Variants in PKLR observed in about 807,000 individuals in gnomAD.
PKLR encodes pyruvate kinase L/R.
In PKLR, 38 loss-of-function variants were observed where a neutral mutation model predicts 53.6. The observed-to-expected ratio is 0.71, with a 90% CI of 0.55 to 0.93. The LOEUF (loss-of-function observed/expected upper bound fraction) is 0.93, where lower values mean the gene tolerates loss of function less well. Ranked by LOEUF, PKLR falls within the 40% of genes least tolerant of loss-of-function variation. PKLR has a pLI of 0.00. For missense variants in PKLR, 702 were observed against 787.3 expected (o/e 0.89, Z 1.30); for synonymous variants, 328 against 316.2 (o/e 1.04, Z -0.39).
At chr1:155,307,039 C>T in the PKLR span, among the ~76,000 whole-genome samples, 2 of 152,172 alleles carry the variant, frequency 1.3e-5, no homozygotes, top group Non-Finnish European at 2.9e-5. Context: ...CTCAGCTTCT[C>T]GAGTAGCTGG....
chr1:155,303,602 A>G (rs1648144713), upstream of PKLR, among the ~76,000 whole-genome samples: 1 of 152,128 alleles, frequency 6.6e-6, no homozygotes, highest in Admixed American at 6.6e-5. Context: ...CCAGTGGGAG[A>G]AGAGAGAGGG....
intron 1 of PKLR, chr1:155,300,763 G>A: frequency 8.5e-7 from 1 of 1,175,242 alleles, no homozygotes; most frequent in Non-Finnish European, 1.2e-6. Flanking sequence ...CTGGCTACTG[G>A]CTGGCTTCCC....
Position 155,293,154 on chromosome 1 carries a change from G to A in PKLR, c.1436+23C>T, listed in dbSNP as rs1647317028. 3 of 1,613,240 alleles carry A rather than the reference G, an allele frequency of 1.9e-6. No individual in the cohort carries two copies. Among genetic ancestry groups the A allele is most frequent in the Non-Finnish European group, 8.5e-7 (1 of 1,179,246 alleles). On this transcript the variant is annotated intron_variant, in intron 9 of 10. Coordinates refer to ENST00000342741, the MANE Select transcript of PKLR (RefSeq NM_000298.6). This position sits in a 1 kb window ranked among gnomAD's most constrained non-coding sequence, Gnocchi z 4.2. ...CACCCCTGACCCAAAGCTCCATCTGGACATTCCCAATATCCCCCTCACCGG... is the reference window on the plus strand; with the variant it reads ...CACCCCTGACCCAAAGCTCCATCTGAACATTCCCAATATCCCCCTCACCGG...
chr1:155,307,709 G>T, the PKLR span, among the ~76,000 whole-genome samples: 2 of 152,218 alleles, frequency 1.3e-5, no homozygotes, highest in East Asian at 3.8e-4. Flanking sequence ...GGGCCAAGTG[G>T]CTCGTACTTG....
At chr1:155,299,998 T>C in intron 2 of PKLR, 100 bp downstream of exon 2, 1 of 1,250,578 alleles carries the variant, frequency 8.0e-7, no homozygotes, top group South Asian at 1.2e-5. Context: ...TGAATGACTG[T>C]GTCAAACATG....
intron 2 of PKLR, among the ~76,000 whole-genome samples, chr1:155,297,034 T>C (rs1647639242): frequency 6.6e-6 from 1 of 152,194 alleles, no homozygotes. Context: ...CCTCTCTTGG[T>C]TGACTCCTAC....
intron 1 of PKLR, 97 bp downstream of exon 1, chr1:155,301,199 A>G: frequency 6.9e-7 from 1 of 1,456,354 alleles, no homozygotes; most frequent in Non-Finnish European, 9.6e-7. Flanking sequence ...CCACCTAGCC[A>G]GTGGCTGATG....
chr1:155,298,350 C>T (rs1050636032), intron 2 of PKLR, among the ~76,000 whole-genome samples: 43 of 131,876 alleles, frequency 3.3e-4, no homozygotes, highest in Admixed American at 9.7e-4. Context: ...TTTTTTGAGA[C>T]GGAGTTTCGC....
At chr1:155,307,886 C>T in the PKLR span, among the ~76,000 whole-genome samples, 1 of 151,944 alleles carries the variant, frequency 6.6e-6, no homozygotes, top group Non-Finnish European at 1.5e-5. Flanking sequence ...ACCCGGGAAG[C>T]GAGGTTGCAG....
chr1:155,300,889 C>T (rs746180822), intron 1 of PKLR: 3 of 1,611,244 alleles, frequency 1.9e-6, no homozygotes, highest in African/African-American at 2.7e-5. Flanking sequence ...ACCTTCCATG[C>T]CACTGCACAC....
In PKLR at chr1:155,300,057, C is replaced by T. The variant is rs747769861; in HGVS notation, c.283+41G>A. 39 of 1,574,730 alleles carry T rather than the reference C, an allele frequency of 2.5e-5. No individual in the cohort carries two copies. The South Asian group carries it at 4.3e-4, about 17-fold the overall frequency. ...GATGAAGAAGCACCTCAAGAAATACCAATAGGCCCTGTGTGGCTGCAGGGG... is the reference window on the plus strand; with the variant it reads ...GATGAAGAAGCACCTCAAGAAATACTAATAGGCCCTGTGTGGCTGCAGGGG... On this transcript the variant is annotated intron_variant, in intron 2 of 10. Coordinates refer to ENST00000342741, the MANE Select transcript of PKLR (RefSeq NM_000298.6).
At chr1:155,300,380 G>A in intron 1 of PKLR, 100 bp from the exon 2 acceptor site, 1 of 880,798 alleles carries the variant, frequency 1.1e-6, no homozygotes, top group Non-Finnish European at 1.8e-6. Context: ...CTTATGAGCT[G>A]GGCATCATGC....
Position 155,300,263 on chromosome 1 carries a change from G to T in PKLR, c.118C>A (p.Arg40=). The T allele has an allele frequency of 6.3e-7, 1 of 1,599,290 alleles. No individual in the cohort carries two copies. Residue 40 remains arginine, a synonymous_variant, in exon 2 of 11, where the codon CGG becomes AGG. Transcript: ENST00000342741. ...GAPGGPAGYL[R]RASVAQLTQE... ...GTCAGTTGGGCCACACTGGCCCGCC[G>T]CAGATACCCCGCTGGCCCTGTGGTA...
At chr1:155,290,788 A>G (rs1674497571) in intron 10 of PKLR, 110 bp from the exon 11 acceptor site, 1 of 720,014 alleles carries the variant, frequency 1.4e-6, no homozygotes, top group African/African-American at 1.7e-5. Flanking sequence ...CAGGAGTTTG[A>G]GACCAGCCTG....
At chr1:155,299,491 C>CTTTTTTTTTTTTTTTTTTTTTTTTTTTTT (rs35869567) in intron 2 of PKLR, among the ~76,000 whole-genome samples, 1 of 42,760 alleles carries the variant, frequency 2.3e-5, no homozygotes, top group African/African-American at 1.0e-4. Flanking sequence ...GCCCAGCCCA[C>CTTTTTTTTTTTTTTTTTTTTTTTTTTTTT]TTTTTTTTTT....
chr1:155,308,480 A>C, the PKLR span: 6 of 819,744 alleles, frequency 7.3e-6, no homozygotes, highest in Non-Finnish European at 5.9e-6. Context: ...ACTGAGGATC[A>C]GAGACGTTAA....
intron 1 of PKLR, 36 bp from the exon 2 acceptor site, chr1:155,300,316 C>T (rs1232535861): frequency 1.3e-6 from 2 of 1,532,338 alleles, no homozygotes; most frequent in Middle Eastern, 2.2e-4. Context: ...TGCATGTCAC[C>T]TGCCCTTCCT....
intron 2 of PKLR, among the ~76,000 whole-genome samples, chr1:155,298,986 CTTTCTTTCTT>C (rs1647782049): frequency 1.1e-5 from 1 of 91,810 alleles, no homozygotes; most frequent in Admixed American, 1.1e-4. Flanking sequence ...TTCTTTCTTT[CTTTCTTTCTT>C]TCTTTCTTTC....
At position 155,294,300 on chromosome 1, in the gene PKLR, G is replaced by A. The variant is rs1341339479; in HGVS notation, c.1051C>T (p.Leu351=). 2.5e-6 allele frequency: 4 copies of A among 1,614,146 alleles called. No individual in the cohort carries two copies. The highest frequency in any genetic ancestry group is 3.3e-5 in the Admixed American group (2 of 60,008). The part of the protein sequence containing the change: ...GIEIPAEKVF[L]AQKMMIGRCN... ...CGCCCAATCATCATCTTCTGAGCCA[G>A]GAAAACCTTCTCTGCTGGGATCTCG... is the stretch of plus-strand genomic sequence containing the variant. The change falls in exon 7 of 11, where the codon CTG becomes TTG. Residue 351 remains leucine, a synonymous_variant. Coordinates refer to ENST00000342741, the MANE Select transcript of PKLR (RefSeq NM_000298.6).
Sources: allele counts gnomAD v4.1 joint callset (sites outside exome capture counted in the v4.1 genomes callset), GRCh38; gene constraint gnomAD v4.1.1; non-coding constraint Gnocchi (gnomAD v3.1); transcripts MANE v1.5; gene names NCBI Gene and HGNC (gene_info 2026-07-23, HGNC 2026-07-21).